Variants in CLEC4D observed in about 807,000 individuals in gnomAD.
The protein encoded by CLEC4D is C-type lectin domain family 4 member D.
CLEC4D carries 21 observed loss-of-function variants against 21.1 expected under a neutral mutation model. The observed-to-expected ratio is 1.00, with a 90% CI of 0.71 to 1.43. The LOEUF (loss-of-function observed/expected upper bound fraction) is 1.43, where lower values mean the gene tolerates loss of function less well. CLEC4D is among the 40% of genes most tolerant of loss of function. The probability of loss-of-function intolerance (pLI) is 0.00; values close to 1 mark genes in which losing one functional copy is unlikely to be tolerated. For synonymous variants in CLEC4D, 85 were observed against 83.1 expected (o/e 1.02, Z -0.12); for missense variants, 289 against 260.7 (o/e 1.11, Z -0.75).
the CLEC4D span, among the ~76,000 whole-genome samples, chr12:8,527,448 G>T: frequency 2.0e-5 from 3 of 152,116 alleles, no homozygotes; most frequent in East Asian, 5.8e-4. Context: ...CTGTGTCAAG[G>T]TTAGGCCTGA....
chr12:8,528,907 CAT>C, the CLEC4D span, among the ~76,000 whole-genome samples: 2 of 151,420 alleles, frequency 1.3e-5, no homozygotes, highest in South Asian at 4.2e-4. Context: ...TAATTACATA[CAT>C]GTTATATACT....
intron 4 of CLEC4D, among the ~76,000 whole-genome samples, chr12:8,519,415 A>G (rs1360372308): frequency 1.3e-5 from 2 of 152,112 alleles, no homozygotes; most frequent in African/African-American, 4.8e-5. Context: ...CTAAGTGGGA[A>G]GTACTTCTGT....
intron 2 of CLEC4D, among the ~76,000 whole-genome samples, chr12:8,516,537 C>A (rs749142432): frequency 5.9e-5 from 9 of 152,274 alleles, no homozygotes; most frequent in African/African-American, 2.2e-4. Context: ...AATGCAAATG[C>A]AACTCACAGT....
chr12:8,530,184 G>C, the CLEC4D span, among the ~76,000 whole-genome samples: 1 of 152,132 alleles, frequency 6.6e-6, no homozygotes, highest in Non-Finnish European at 1.5e-5. Context: ...GGAATTTTCT[G>C]CAGGATGTCT....
the CLEC4D span, among the ~76,000 whole-genome samples, chr12:8,528,798 T>C: frequency 6.6e-6 from 1 of 151,978 alleles, no homozygotes; most frequent in African/African-American, 2.4e-5. Context: ...ATCAGTTTCT[T>C]ATTTACATTT....
chr12:8,519,230 T>C (rs1212098210), intron 4 of CLEC4D, 70 bp downstream of exon 4: 3 of 1,547,040 alleles, frequency 1.9e-6, no homozygotes, highest in Non-Finnish European at 2.6e-6. Flanking sequence ...GGAATTTCTC[T>C]GTCCTGTTAT....
chr12:8,531,002 C>T, the CLEC4D span, among the ~76,000 whole-genome samples: 1 of 152,228 alleles, frequency 6.6e-6, no homozygotes, highest in East Asian at 1.9e-4. Context: ...ACATCCACCT[C>T]ACCCTGCCCG....
intron 2 of CLEC4D, 125 bp from the exon 3 acceptor site, chr12:8,518,039 G>C (rs758243696): frequency 1.9e-6 from 1 of 524,190 alleles, no homozygotes; most frequent in African/African-American, 1.9e-5. Flanking sequence ...AAGCTGCATA[G>C]AAAGAAAAGA....
At chr12:8,515,038 G>T (rs1406079599) in intron 1 of CLEC4D, among the ~76,000 whole-genome samples, 198 bp from the exon 2 acceptor site, 2 of 152,110 alleles carry the variant, frequency 1.3e-5, no homozygotes, top group Non-Finnish European at 2.9e-5. Flanking sequence ...AAATTACCAA[G>T]AAATTTTACA....
At chr12:8,523,289 G>T (rs1940480501), downstream of CLEC4D, among the ~76,000 whole-genome samples, 1 of 152,166 alleles carries the variant, frequency 6.6e-6, no homozygotes, top group Non-Finnish European at 1.5e-5. Context: ...GCTCTGGGCA[G>T]TATGACCATT....
At position 8,521,219 on chromosome 12, in the gene CLEC4D, G is replaced by T. The variant is rs368418350; in HGVS notation, c.596G>T (p.Cys199Phe). ...QDKWAWNDVPCNFEASRICKI... is the reference protein window; with the variant it reads ...QDKWAWNDVPFNFEASRICKI... ...AAATGGGCCTGGAATGATGTTCCTT[G>T]TAACTTTGAAGCAAGTAGGATTTGT... Residue 199 changes from cysteine (C) to phenylalanine (F), a missense_variant, in exon 6 of 6, where the codon TGT (cysteine) becomes TTT (phenylalanine). By Grantham distance (205) the Cys-to-Phe change is radical. Coordinates refer to ENST00000299665, the MANE Select transcript of CLEC4D (RefSeq NM_080387.5). 145 of 1,613,378 alleles carry T rather than the reference G, an allele frequency of 9.0e-5. No individual in the cohort carries two copies. Among genetic ancestry groups the T allele is most frequent in the Non-Finnish European group, 1.2e-4 (136 of 1,179,628 alleles).
intron 2 of CLEC4D, among the ~76,000 whole-genome samples, chr12:8,517,582 T>C (rs910059820): frequency 2.0e-5 from 3 of 151,880 alleles, no homozygotes; most frequent in Admixed American, 6.6e-5. Flanking sequence ...ACCCCTATTC[T>C]AACACAAATT....
At chr12:8,517,275 ATTTG>A (rs1044029218) in intron 2 of CLEC4D, among the ~76,000 whole-genome samples, 1 of 151,934 alleles carries the variant, frequency 6.6e-6, no homozygotes, top group African/African-American at 2.4e-5. Flanking sequence ...ACTTTTTTAC[ATTTG>A]TTTATTTTTT....
chr12:8,517,512 T>C (rs892474600), intron 2 of CLEC4D, among the ~76,000 whole-genome samples: 23 of 147,842 alleles, frequency 1.6e-4, no homozygotes, highest in Non-Finnish European at 2.7e-4. Context: ...TGTTTATATA[T>C]TTCAAGGTGA....
the CLEC4D span, among the ~76,000 whole-genome samples, chr12:8,530,951 C>G: frequency 6.2e-4 from 95 of 152,366 alleles, no homozygotes; most frequent in Admixed American, 2.2e-3. Context: ...CTGACCCGCT[C>G]AGGCTCTACC....
intron 1 of CLEC4D, 35 bp downstream of exon 1, chr12:8,513,795 C>A: frequency 1.1e-6 from 1 of 921,078 alleles, no homozygotes; most frequent in Non-Finnish European, 1.8e-6. Context: ...TTCAAAGAAG[C>A]AGATGGAATT....
In CLEC4D at chr12:8,518,285, TA is replaced by T; in HGVS notation, c.232+13del. 1.0e-6 allele frequency: 1 copy of T among 960,592 alleles called. No individual in the cohort carries two copies. The highest frequency in any genetic ancestry group is 1.7e-6 in the Non-Finnish European group (1 of 595,870). 59.5% of individuals were successfully genotyped at this position (960,592 alleles called of 1,614,324 possible). A position where few individuals can be genotyped will look rare whatever the true frequency, so the allele number is the denominator to read the frequency against. ...TGAAAAGTGCTGAAGGTACAGAGTG[TA>T]AGATAATTTCTTTTTTAATTTCCAT... On this transcript the variant is annotated intron_variant, in intron 3 of 5. Coordinates refer to ENST00000299665, the MANE Select transcript of CLEC4D (RefSeq NM_080387.5).
intron 4 of CLEC4D, among the ~76,000 whole-genome samples, chr12:8,519,423 T>C (rs1940428799): frequency 6.6e-6 from 1 of 152,198 alleles, no homozygotes; most frequent in Non-Finnish European, 1.5e-5. Flanking sequence ...GAAGTACTTC[T>C]GTAGGACTTT....
Position 8,513,685 on chromosome 12 carries a change from G to C in CLEC4D, c.-48G>C. On this transcript the variant is annotated 5_prime_UTR_variant, in exon 1 of 6. The change abolishes the stop of an existing upstream ORF in the 5' untranslated region. Transcript: ENST00000299665. ...AATATACTCTGGGGGAAAAAAAATAGAACAAATTCTTGCCGTCCTGACCAT... is the reference window on the plus strand; with the variant it reads ...AATATACTCTGGGGGAAAAAAAATACAACAAATTCTTGCCGTCCTGACCAT... The C allele has an allele frequency of 1.1e-6, 1 of 896,776 alleles. No individual in the cohort carries two copies. Among genetic ancestry groups the C allele is most frequent in the East Asian group, 2.4e-5 (1 of 41,686 alleles). 55.6% of individuals were successfully genotyped at this position (896,776 alleles called of 1,614,324 possible).
Sources: allele counts gnomAD v4.1 joint callset (sites outside exome capture counted in the v4.1 genomes callset), GRCh38; gene constraint gnomAD v4.1.1; transcripts MANE v1.5; gene names NCBI Gene and HGNC (gene_info 2026-07-23, HGNC 2026-07-21).